The following ZBTB8B variants were observed in gnomAD, a reference collection of about 807,000 sequenced individuals.
ZBTB8B encodes the protein zinc finger and BTB domain-containing protein 8B.
ZBTB8B carries 17 observed loss-of-function variants against 30.3 expected under a neutral mutation model. That is an observed-to-expected ratio of 0.56 (90% CI 0.38 to 0.84). The LOEUF (loss-of-function observed/expected upper bound fraction) is 0.84, where lower values mean the gene tolerates loss of function less well. Among genes scored for constraint, ZBTB8B ranks in the 40% least tolerant of loss-of-function variants. ZBTB8B has a pLI of 0.00. For missense variants in ZBTB8B, 515 were observed against 644.9 expected (o/e 0.80, Z 2.18); for synonymous variants, 248 against 255.6 (o/e 0.97, Z 0.28).
At chr1:32,483,242 TCCAAAAAAAAAAAAAAAA>T (rs1420056367) in intron 3 of ZBTB8B, among the ~76,000 whole-genome samples, 8 of 33,118 alleles carry the variant, frequency 2.4e-4, no homozygotes, top group African/African-American at 1.1e-3. Context: ...CTACTAAAAA[TCCAAAAAAAAAAAAAAAA>T]AAAAAAAAAA....
chr1:32,468,549 A>G (rs1416299287), intron 1 of ZBTB8B, among the ~76,000 whole-genome samples: 2 of 152,156 alleles, frequency 1.3e-5, no homozygotes, highest in Admixed American at 1.3e-4. Flanking sequence ...GCTTCCATCA[A>G]AGCCGAAAAA....
chr1:32,467,777 G>A (rs1643582877), intron 1 of ZBTB8B, among the ~76,000 whole-genome samples: 1 of 152,048 alleles, frequency 6.6e-6, no homozygotes, highest in Non-Finnish European at 1.5e-5. Context: ...AAGGGTAGTG[G>A]AATCAGTCAG....
At chr1:32,478,249 C>CCAAAGT (rs1643678752) in intron 2 of ZBTB8B, among the ~76,000 whole-genome samples, 2 of 151,856 alleles carry the variant, frequency 1.3e-5, no homozygotes, top group Admixed American at 1.3e-4. Flanking sequence ...TGGTGGCTCA[C>CCAAAGT]GCCTATAATC....
At position 32,485,438 on chromosome 1, in the gene ZBTB8B, A is replaced by G; in HGVS notation, c.*20A>G. The G allele has an allele frequency of 6.5e-7, 1 of 1,542,716 alleles. No homozygotes were observed. Among genetic ancestry groups the G allele is most frequent in the Non-Finnish European group, 8.8e-7 (1 of 1,140,190 alleles). On this transcript the variant is annotated 3_prime_UTR_variant, in exon 4 of 4. Coordinates refer to ENST00000609129, the MANE Select transcript of ZBTB8B (RefSeq NM_001145720.2). ...ACGTAGCAATAAATTGGTGGGGAAG[A>G]GGAGGTTTTAAAACTTGTTAGTGCT...
chr1:32,467,193 A>C (rs1046149454), intron 1 of ZBTB8B, among the ~76,000 whole-genome samples: 37 of 151,924 alleles, frequency 2.4e-4, no homozygotes, highest in African/African-American at 8.2e-4. Context: ...ATAGTAAAAC[A>C]TTCTATCAGA....
chr1:32,468,573 A>G (rs1398486968), intron 1 of ZBTB8B, among the ~76,000 whole-genome samples: 3 of 152,214 alleles, frequency 2.0e-5, no homozygotes, highest in Non-Finnish European at 4.4e-5. Context: ...CACTAGAACC[A>G]AAAGAATGGG....
chr1:32,494,796 T>C lies in ZBTB8B; in HGVS notation c.*9378T>C, dbSNP rs1380182133. ...AGTGATTTTTTCCAACCTCGCTGAT[T>C]TTTTTCCTTCTTTCTTTTTTGAGAC... On this transcript the variant is annotated 3_prime_UTR_variant, in exon 4 of 4. Coordinates refer to ENST00000609129, the MANE Select transcript of ZBTB8B (RefSeq NM_001145720.2). The C allele has an allele frequency of 6.6e-6, 1 of 152,174 alleles. No homozygotes were observed. Among genetic ancestry groups the C allele is most frequent in the Non-Finnish European group, 1.5e-5 (1 of 68,030 alleles). 9.4% of individuals were successfully genotyped at this position (152,174 alleles called of 1,614,324 possible).
chr1:32,478,161 A>G (rs1643677989), intron 2 of ZBTB8B, among the ~76,000 whole-genome samples: 1 of 151,966 alleles, frequency 6.6e-6, no homozygotes, highest in Admixed American at 6.6e-5. Context: ...TAGAGGCTGC[A>G]GTGAGCCATG....
At chr1:32,471,929 C>G (rs1163819910) in intron 2 of ZBTB8B, among the ~76,000 whole-genome samples, 4 of 138,860 alleles carry the variant, frequency 2.9e-5, no homozygotes, top group Admixed American at 1.4e-4. Context: ...TATTCATTAC[C>G]ATCATCACCA....
rs1215871820 is a variant in ZBTB8B, at chr1:32,494,719, A to AT, written c.*9305dup. The stretch of plus-strand genomic sequence containing the variant: ...TTCTGTGTTTGATTGTAATGTATTC[A>AT]TTTTACTTATAAAAAATTTCAAAAG... On this transcript the variant is annotated 3_prime_UTR_variant, in exon 4 of 4. Transcript: ENST00000609129. The AT allele has an allele frequency of 2.6e-5, 4 of 152,182 alleles. No homozygotes were observed. Among genetic ancestry groups the AT allele is most frequent in the Non-Finnish European group, 5.9e-5 (4 of 68,036 alleles). 9.4% of individuals were successfully genotyped at this position (152,182 alleles called of 1,614,324 possible). A position where few individuals can be genotyped will look rare whatever the true frequency, so the allele number is the denominator to read the frequency against.
At chr1:32,483,314 C>T (rs987821849) in intron 3 of ZBTB8B, among the ~76,000 whole-genome samples, 3 of 149,892 alleles carry the variant, frequency 2.0e-5, no homozygotes, top group Non-Finnish European at 4.4e-5. Flanking sequence ...AGTCCCAGCT[C>T]CTCAGGAGAC....
Position 32,488,254 on chromosome 1 carries a change from T to C in ZBTB8B, c.*2836T>C, listed in dbSNP as rs1345020577. On this transcript the variant is annotated 3_prime_UTR_variant, in exon 4 of 4. Coordinates refer to ENST00000609129, the MANE Select transcript of ZBTB8B (RefSeq NM_001145720.2). Reference sequence around the variant, plus strand: ...CTGTCTCCAAAAATGTATACATATATTTGCTGTTATTTTAAAAGAGGGATC... The same window carrying C: ...CTGTCTCCAAAAATGTATACATATACTTGCTGTTATTTTAAAAGAGGGATC... 6.6e-6 allele frequency: 1 copy of C among 152,134 alleles called. No individual in the cohort carries two copies. The highest frequency in any genetic ancestry group is 1.5e-5 in the Non-Finnish European group (1 of 68,014). 9.4% of individuals were successfully genotyped at this position (152,134 alleles called of 1,614,324 possible).
chr1:32,494,206 A>AAAAAAAC lies in ZBTB8B; in HGVS notation c.*8789_*8790insAAAAACA. 1 of 151,208 alleles carries AAAAAAAC rather than the reference A, an allele frequency of 6.6e-6. No homozygotes were observed. The highest frequency in any genetic ancestry group is 1.9e-4 in the East Asian group (1 of 5,222). The allele number at this position is 151,208 out of a possible 1,614,324, so 9.4% of individuals were successfully genotyped here. On this transcript the variant is annotated 3_prime_UTR_variant, in exon 4 of 4. Coordinates refer to ENST00000609129, the MANE Select transcript of ZBTB8B (RefSeq NM_001145720.2). ...CTCAAAAAAAAAAAAAAAAAAAAAA[A>AAAAAAAC]AGAAATCAGGATACATATAGGACAG...
At position 32,494,538 on chromosome 1, in the gene ZBTB8B, G is replaced by A. The variant is rs999820830; in HGVS notation, c.*9120G>A. On this transcript the variant is annotated 3_prime_UTR_variant, in exon 4 of 4. Coordinates refer to ENST00000609129, the MANE Select transcript of ZBTB8B (RefSeq NM_001145720.2). The stretch of plus-strand genomic sequence containing the variant: ...ATGGTCTGCATTCTTGCAATGCTTA[G>A]ACAGGGAGGGGGAAATCACATTTTG... 3.9e-5 allele frequency: 6 copies of A among 152,084 alleles called. No individual in the cohort carries two copies. Among genetic ancestry groups the A allele is most frequent in the African/African-American group, 1.2e-4 (5 of 41,394 alleles). 9.4% of individuals were successfully genotyped at this position (152,084 alleles called of 1,614,324 possible).
intron 2 of ZBTB8B, among the ~76,000 whole-genome samples, chr1:32,479,826 T>G (rs1272158253): frequency 6.6e-6 from 1 of 152,232 alleles, no homozygotes; most frequent in African/African-American, 2.4e-5. Context: ...CATTGTCACC[T>G]TAATGGTTAT....
intron 3 of ZBTB8B, among the ~76,000 whole-genome samples, chr1:32,481,397 T>C (rs915955906): frequency 7.2e-5 from 11 of 151,864 alleles, no homozygotes; most frequent in African/African-American, 2.4e-4. Flanking sequence ...TTCCTACCAG[T>C]GTGATACCAA....
chr1:32,483,499 G>A (rs1297056159), intron 3 of ZBTB8B, among the ~76,000 whole-genome samples: 3 of 151,918 alleles, frequency 2.0e-5, no homozygotes, highest in African/African-American at 7.3e-5. Flanking sequence ...GAGGAATGTA[G>A]CTGTCTACCC....
chr1:32,474,287 G>A (rs1327397042), intron 2 of ZBTB8B, among the ~76,000 whole-genome samples: 1 of 129,798 alleles, frequency 7.7e-6, no homozygotes, highest in Non-Finnish European at 1.6e-5. Flanking sequence ...AGGGAGGATT[G>A]CTTGAGCCCA....
chr1:32,479,169 A>C (rs189168210), intron 2 of ZBTB8B, among the ~76,000 whole-genome samples: 1 of 136,694 alleles, frequency 7.3e-6, no homozygotes, highest in Admixed American at 7.1e-5. Context: ...TTCATAGGTG[A>C]TATGATATGA....
Sources: allele counts gnomAD v4.1 joint callset (sites outside exome capture counted in the v4.1 genomes callset), GRCh38; gene constraint gnomAD v4.1.1; transcripts MANE v1.5; gene names NCBI Gene and HGNC (gene_info 2026-07-23, HGNC 2026-07-21).